GPHN: variants seen among roughly 807,000 people sequenced by gnomAD.
GPHN encodes gephyrin.
A neutral mutation model predicts 95.5 loss-of-function variants in GPHN; 17 were observed. That is an observed-to-expected ratio of 0.18 (90% CI 0.12 to 0.27). The LOEUF (loss-of-function observed/expected upper bound fraction) is 0.27. Among genes scored for constraint, GPHN ranks in the 10% least tolerant of loss-of-function variants. GPHN has a pLI of 1.00. For synonymous variants in GPHN, 320 were observed against 322.5 expected, an observed-to-expected ratio of 0.99 and a Z score of 0.08; for missense variants, 660 against 978.1, an observed-to-expected ratio of 0.67 and a Z score of 4.34.
At chr14:67,220,728 T>C in the GPHN span, among the ~76,000 whole-genome samples, 1 of 152,210 alleles carries the variant, frequency 6.6e-6, no homozygotes, top group Non-Finnish European at 1.5e-5. Flanking sequence ...TTTTTCAAGG[T>C]ACATTTACCT....
chr14:67,620,767 A>AGTCATTGATGGAAGGGCT, the GPHN span: 1 of 826,192 alleles, frequency 1.2e-6, no homozygotes, highest in Non-Finnish European at 2.0e-6. Context: ...TTGGAAGGAC[A>AGTCATTGATGGAAGGGCT]GTCATTGATG....
the GPHN span, chr14:67,579,870 T>C: frequency 6.3e-7 from 1 of 1,599,590 alleles, no homozygotes. Context: ...TGCAGGGAAG[T>C]GTCAAGGTGA....
the GPHN span, among the ~76,000 whole-genome samples, chr14:67,486,071 A>G: frequency 6.6e-6 from 1 of 152,184 alleles, no homozygotes; most frequent in African/African-American, 2.4e-5. Flanking sequence ...GCCAAAGTAG[A>G]TGCTGTTTCC....
chr14:67,443,826 C>A, the GPHN span, among the ~76,000 whole-genome samples: 1 of 152,030 alleles, frequency 6.6e-6, no homozygotes. Flanking sequence ...TTAAGCCTCT[C>A]GTCCTGGATG....
intron 4 of GPHN, among the ~76,000 whole-genome samples, chr14:66,831,314 A>G (rs2061569483): frequency 6.6e-6 from 1 of 152,192 alleles, no homozygotes; most frequent in Admixed American, 6.6e-5. Flanking sequence ...GTCATATTGA[A>G]CTAGGATTTT....
At chr14:67,506,279 C>A in the GPHN span, among the ~76,000 whole-genome samples, 1 of 152,078 alleles carries the variant, frequency 6.6e-6, no homozygotes, top group Non-Finnish European at 1.5e-5. Flanking sequence ...AAAGTGATCA[C>A]AGAACCGTCT....
chr14:67,134,257 G>A (rs1277675701), intron 17 of GPHN, among the ~76,000 whole-genome samples: 1 of 152,082 alleles, frequency 6.6e-6, no homozygotes, highest in Non-Finnish European at 1.5e-5. Context: ...TTGTTCGATG[G>A]CTGTTAAAGT....
At chr14:67,440,400 T>C in the GPHN span, among the ~76,000 whole-genome samples, 74,953 of 151,414 alleles carry the variant, frequency 0.5, 21,130 homozygotes, top group African/African-American at 0.78. Context: ...AATTACTGTC[T>C]CCCCCACCGA....
chr14:66,713,251 T>A (rs1439334949), intron 2 of GPHN, among the ~76,000 whole-genome samples: 3 of 152,224 alleles, frequency 2.0e-5, no homozygotes, highest in Admixed American at 6.5e-5. Flanking sequence ...GATGTTATCG[T>A]CTAGAATTTT....
rs78062110 is a variant in GPHN at position 66,743,118 on chromosome 14, T to G, written c.144-33346T>G. Among the ~76,000 whole-genome samples, 1,202 of 152,216 alleles carry G rather than the reference T, an allele frequency of 7.9e-3. 8 individuals carry two copies. The highest frequency in any genetic ancestry group is 0.028 in the African/African-American group (1,147 of 41,520). On this transcript the variant is annotated intron_variant, in intron 2 of 22. Transcript: ENST00000478722. ...CTGTATTGTTTCAGTTGTTTGCTCA[T>G]TGGGAAAATACTCCAGGGTGAGGCC...
At chr14:67,352,851 A>C in the GPHN span, 1 of 22 alleles carries the variant, frequency 0.045, no homozygotes, top group Non-Finnish European at 0.083. Flanking sequence ...TAACAACAAC[A>C]AAAAAAAAAA....
At chr14:66,650,955 A>G (rs117618239) in intron 1 of GPHN, among the ~76,000 whole-genome samples, 5,906 of 152,244 alleles carry the variant, frequency 0.039, 173 homozygotes, top group Middle Eastern at 0.065. Flanking sequence ...ACTTAACAGC[A>G]TTTTACAGGA....
chr14:67,665,104 C>T, the GPHN span, among the ~76,000 whole-genome samples: 1 of 152,180 alleles, frequency 6.6e-6, no homozygotes, highest in Non-Finnish European at 1.5e-5. Flanking sequence ...CCACCCATCT[C>T]GGCCTCCCAA....
the GPHN span, among the ~76,000 whole-genome samples, chr14:67,272,867 C>T: frequency 6.6e-5 from 10 of 152,198 alleles, no homozygotes; most frequent in South Asian, 1.0e-3. Flanking sequence ...TGGGGTATCA[C>T]CATATTGCCC....
the GPHN span, among the ~76,000 whole-genome samples, chr14:67,272,280 C>T: frequency 1.3e-5 from 2 of 152,276 alleles, no homozygotes; most frequent in South Asian, 2.1e-4. Flanking sequence ...TTTAGTTCAA[C>T]GAGCCTTATT....
At chr14:67,145,230 G>A (rs2080831607) in intron 18 of GPHN, among the ~76,000 whole-genome samples, 2 of 152,078 alleles carry the variant, frequency 1.3e-5, no homozygotes, top group African/African-American at 4.8e-5. Flanking sequence ...CCTAATTGTG[G>A]GATAATAGCT....
intron 1 of GPHN, among the ~76,000 whole-genome samples, chr14:66,598,903 T>C (rs1387082062): frequency 6.6e-6 from 1 of 151,234 alleles, no homozygotes; most frequent in Non-Finnish European, 1.5e-5. Context: ...GTTGATGCAG[T>C]CTTTAGCTAA....
rs2139637996 is a variant in GPHN at position 66,508,159 on chromosome 14, G to T, written c.-369G>T. The T allele has an allele frequency of 2.2e-6, 1 of 462,506 alleles. No individual in the cohort carries two copies. The highest frequency in any genetic ancestry group is 3.5e-5 in the Admixed American group (1 of 28,878). 28.7% of individuals were successfully genotyped at this position (462,506 alleles called of 1,614,324 possible). On this transcript the variant is annotated 5_prime_UTR_variant, in exon 1 of 23. Coordinates refer to ENST00000478722, the MANE Select transcript of GPHN (RefSeq NM_020806.5). ...GAGCGTGTGCTATCCTTTCCTCTCA[G>T]TCCTGCCATCTAGCTGCCTTGGGTC...
rs7148977 is a variant in GPHN at position 66,531,142 on chromosome 14, C to T, written c.64+22551C>T. ...TGTACTTTTAGTAGAGAAAGGGCTT[C>T]GTCATGTTGGCCAGGCTGGTCTTTA... is the stretch of plus-strand genomic sequence containing the variant. On this transcript the variant is annotated intron_variant, in intron 1 of 22. Transcript: ENST00000478722. Among the ~76,000 whole-genome samples, 1,448 of 151,936 alleles carry T rather than the reference C, an allele frequency of 9.5e-3. 20 individuals carry two copies. The highest frequency in any genetic ancestry group is 0.032 in the African/African-American group (1,339 of 41,444).
Sources: allele counts gnomAD v4.1 joint callset (sites outside exome capture counted in the v4.1 genomes callset), GRCh38; gene constraint gnomAD v4.1.1; transcripts MANE v1.5; gene names NCBI Gene and HGNC (gene_info 2026-07-23, HGNC 2026-07-21).